The following ATP13A1 variants were observed in gnomAD, a reference collection of about 807,000 sequenced individuals.
The protein encoded by ATP13A1 is endoplasmic reticulum transmembrane helix translocase.
A neutral mutation model predicts 134.8 loss-of-function variants in ATP13A1; 55 were observed. The ratio of observed to expected loss-of-function variants is 0.41; its 90% CI spans 0.33 to 0.51. ATP13A1 has a LOEUF of 0.51. Among genes scored for constraint, ATP13A1 ranks in the 20% least tolerant of loss-of-function variants. ATP13A1 has a pLI of 0.29. For missense variants in ATP13A1, 1,389 were observed against 1,652.8 expected (o/e 0.84, Z 2.77); for synonymous variants, 775 against 725.1 (o/e 1.07, Z -1.10).
intron 1 of ATP13A1, 29 bp downstream of exon 1, chr19:19,663,242 G>T: frequency 6.4e-7 from 1 of 1,563,302 alleles, no homozygotes; most frequent in Admixed American, 1.9e-5. Flanking sequence ...CGACCGTGCT[G>T]GGGGTCGGGC....
In ATP13A1 at chr19:19,659,860, CA is replaced by C. The variant is rs772924028; in HGVS notation, c.486+37del. The C allele has an allele frequency of 1.9e-6, 3 of 1,591,236 alleles. No individual in the cohort carries two copies. The Admixed American group carries it at 5.4e-5, about 29-fold the overall frequency. ...GGTGTCAGCGCCTGGGAATCCTACT[CA>C]AGCCCCTCCTCCAGGAGCCCAGCAG... On this transcript the variant is annotated intron_variant, in intron 2 of 25. Coordinates refer to ENST00000357324, the MANE Select transcript of ATP13A1 (RefSeq NM_020410.3).
At position 19,645,623 on chromosome 19, in the gene ATP13A1, G is replaced by C. The variant is rs2061979918; in HGVS notation, c.3504+24C>G. On this transcript the variant is annotated intron_variant, in intron 25 of 25. Transcript: ENST00000357324. This position sits in a 1 kb window ranked among gnomAD's most constrained non-coding sequence, Gnocchi z 4.1. ...AGGGACCCATCAAGCTGAGCCCCAG[G>C]GTCACCTCCACAGGGCCACTGACCT... 1 of 1,562,822 alleles carries C rather than the reference G, an allele frequency of 6.4e-7. No homozygotes were observed. Among genetic ancestry groups the C allele is most frequent in the African/African-American group, 1.4e-5 (1 of 73,548 alleles).
At chr19:19,650,671 A>G (rs2062018366) in intron 17 of ATP13A1, 1 of 152,612 alleles carries the variant, frequency 6.6e-6, no homozygotes, top group Non-Finnish European at 1.5e-5. Flanking sequence ...GGGCTGGGAC[A>G]GGGGGAGGCC....
At chr19:19,648,410 T>C (rs1390646350) in intron 19 of ATP13A1, among the ~76,000 whole-genome samples, 1 of 150,602 alleles carries the variant, frequency 6.6e-6, no homozygotes, top group East Asian at 1.9e-4. Context: ...ATAAATGCTT[T>C]AGTAGATAAA....
At chr19:19,654,360 GA>G (rs2062043696) in intron 13 of ATP13A1, among the ~76,000 whole-genome samples, 182 bp downstream of exon 13, 1 of 152,200 alleles carries the variant, frequency 6.6e-6, no homozygotes, top group South Asian at 2.1e-4. Flanking sequence ...TTCCAACCCA[GA>G]GGGACACCCA....
At position 19,663,233 on chromosome 19, in the gene ATP13A1, G is replaced by T; in HGVS notation, c.396+38C>A. ...GCAGCTGGGACCCACGGCGAGGCTCGACCGTGCTGGGGGTCGGGCTCGCGT... is the reference window on the plus strand; with the variant it reads ...GCAGCTGGGACCCACGGCGAGGCTCTACCGTGCTGGGGGTCGGGCTCGCGT... On this transcript the variant is annotated intron_variant, in intron 1 of 25. Coordinates refer to ENST00000357324, the MANE Select transcript of ATP13A1 (RefSeq NM_020410.3). 3 of 1,558,872 alleles carry T rather than the reference G, an allele frequency of 1.9e-6. No homozygotes were observed. The South Asian group carries it at 3.6e-5, about 18-fold the overall frequency.
chr19:19,658,059 T>A (rs1403312479), intron 3 of ATP13A1, among the ~76,000 whole-genome samples: 1 of 143,202 alleles, frequency 7.0e-6, no homozygotes, highest in Admixed American at 7.5e-5. Context: ...TGAGGCAGGA[T>A]GAATGCTTGA....
chr19:19,649,864 G>GGCCAGT lies in ATP13A1; in HGVS notation c.2406_2411dup (p.Ala804_Leu805dup). On this transcript the variant is annotated inframe_insertion, in exon 18 of 26. Transcript: ENST00000357324. ...CTGTGAGGCACAGTGCGTACTCCAG[G>GGCCAGT]GCCAGTGCCTTTGGGGAGCCCCGGG... is the stretch of plus-strand genomic sequence containing the variant. The GGCCAGT allele has an allele frequency of 6.2e-7, 1 of 1,603,570 alleles. No individual in the cohort carries two copies.
At position 19,656,886 on chromosome 19, in the gene ATP13A1, C is replaced by G. The variant is rs1316698214; in HGVS notation, c.937G>C (p.Ala313Pro). 1 of 1,612,512 alleles carries G rather than the reference C, an allele frequency of 6.2e-7. No homozygotes were observed. The change falls in exon 6 of 26, where the codon GCC (alanine) becomes CCC (proline). Residue 313 changes from alanine to proline, a missense_variant. Physicochemically the swap from Ala to Pro is conservative, Grantham distance 27 (BLOSUM62 -1). This residue lies in a region of ATP13A1 where 747 missense variants were observed against 956.1 expected (regional missense o/e 0.78). Coordinates refer to ENST00000357324, the MANE Select transcript of ATP13A1 (RefSeq NM_020410.3). The surrounding 1 kb of genome is among the most constrained non-coding windows in gnomAD (Gnocchi z 4.6). ...VYRSRKWRPI[A>P]SDEIVPGDIV... ...TCCCCTGGTACGATCTCATCACTGG[C>G]AATGGGCCTCCACTTGCGGCTTCGG...
Position 19,653,800 on chromosome 19 carries a change from T to A in ATP13A1, c.2084A>T (p.His695Leu), listed in dbSNP as rs750145470. The A allele has an allele frequency of 2.3e-4, 353 of 1,552,224 alleles. 1 individual carries two copies. The highest frequency in any genetic ancestry group is 3.0e-4 in the Non-Finnish European group (349 of 1,147,764). ...VLALGYKELG[H>L]LTHQQAREVK... ...GGCCCGTACCTGCTGGTGAGTGAGG[T>A]GTCCCAGCTCCTTGTACCCCAGCGC... is the stretch of plus-strand genomic sequence containing the variant. Residue 695 changes from histidine to leucine, a missense_variant, in exon 15 of 26, where the codon CAC becomes CTC. By Grantham distance (99) the His-to-Leu change is moderately conservative (BLOSUM62 -3). Around this residue, in one of 4 missense-constraint regions of ATP13A1, gnomAD observed 747 missense variants for 956.1 expected, o/e 0.78. Transcript: ENST00000357324. The surrounding 1 kb of genome is among the most constrained non-coding windows in gnomAD (Gnocchi z 4.2).
chr19:19,652,390 G>A (rs1320305060), intron 16 of ATP13A1, among the ~76,000 whole-genome samples: 1 of 152,168 alleles, frequency 6.6e-6, no homozygotes, highest in East Asian at 1.9e-4. Flanking sequence ...GAAGGGAGTG[G>A]TCTGTGGAGG....
chr19:19,657,175 T>C, intron 4 of ATP13A1, 26 bp from the exon 5 acceptor site: 1 of 1,498,410 alleles, frequency 6.7e-7, no homozygotes, highest in Non-Finnish European at 8.9e-7. Flanking sequence ...CTGTCTGTCC[T>C]TGCCCTACCC....
Position 19,659,809 on chromosome 19 carries a change from T to A in ATP13A1, c.487-18A>T, listed in dbSNP as rs1352564961. 1 of 1,611,326 alleles carries A rather than the reference T, an allele frequency of 6.2e-7. No individual in the cohort carries two copies. Among genetic ancestry groups the A allele is most frequent in the South Asian group, 1.1e-5 (1 of 90,880 alleles). ...TCTTCGCCCTGCGGTAGAAGGTGTG[T>A]TTGCCACAGAGGCCCCTGACCTTGG... On this transcript the variant is annotated intron_variant, in intron 2 of 25. Coordinates refer to ENST00000357324, the MANE Select transcript of ATP13A1 (RefSeq NM_020410.3).
intron 1 of ATP13A1, among the ~76,000 whole-genome samples, chr19:19,660,839 G>T (rs1303597097): frequency 6.6e-6 from 1 of 151,324 alleles, no homozygotes. Flanking sequence ...CAGCACTTTG[G>T]GAGGCTGAGG....
At chr19:19,662,431 C>T in intron 1 of ATP13A1, 1 of 926,358 alleles carries the variant, frequency 1.1e-6, no homozygotes, top group Non-Finnish European at 1.3e-6. Context: ...GGCAAACACA[C>T]TCCTGGAATC....
At chr19:19,651,468 G>T in intron 17 of ATP13A1, 1 of 451,004 alleles carries the variant, frequency 2.2e-6, no homozygotes, top group Non-Finnish European at 4.0e-6. Context: ...GCCTCATTAT[G>T]GTAAATAAAC....
chr19:19,650,542 C>CTA, intron 17 of ATP13A1: 1 of 155,158 alleles, frequency 6.4e-6, no homozygotes, highest in Non-Finnish European at 1.4e-5. Context: ...CAGCACACTT[C>CTA]CACCTGGCTT....
rs1304869633 is a variant in ATP13A1 at position 19,647,071 on chromosome 19, T to C, written c.3105+58A>G. 1.3e-6 allele frequency: 2 copies of C among 1,529,470 alleles called. No homozygotes were observed. The highest frequency in any genetic ancestry group is 2.8e-5 in the African/African-American group (2 of 72,288). 94.7% of individuals were successfully genotyped at this position (1,529,470 alleles called of 1,614,324 possible). ...GGGGATGACAATTCCCGTGCCTATA[T>C]CAGCCTGGCCCTGGCAGGCCCATGC... is the stretch of plus-strand genomic sequence containing the variant. On this transcript the variant is annotated intron_variant, in intron 22 of 25. Transcript: ENST00000357324. This position sits in a 1 kb window ranked among gnomAD's most constrained non-coding sequence, Gnocchi z 4.8.
Position 19,647,335 on chromosome 19 carries a change from G to A in ATP13A1, c.2909-10C>T, listed in dbSNP as rs45593331. ...TTGATCACGTGGCAGACTGCAGGGT[G>A]GTGGGGAGGCAGGTGTGGGTGTGGG... On this transcript the variant is annotated splice_polypyrimidine_tract_variant and intron_variant, in intron 21 of 25. Transcript: ENST00000357324. The surrounding 1 kb of genome is among the most constrained non-coding windows in gnomAD (Gnocchi z 4.8). 0.025 allele frequency: 40,581 copies of A among 1,611,806 alleles called. 632 individuals carry two copies. Among genetic ancestry groups the A allele is most frequent in the African/African-American group, 0.042 (3,184 of 74,922 alleles).
Sources: allele counts gnomAD v4.1 joint callset (sites outside exome capture counted in the v4.1 genomes callset), GRCh38; gene constraint gnomAD v4.1.1; regional missense constraint gnomAD v4.1.1; non-coding constraint Gnocchi (gnomAD v3.1); transcripts MANE v1.5; gene names NCBI Gene and HGNC (gene_info 2026-07-23, HGNC 2026-07-21).